SNTG1: variants seen among roughly 807,000 people sequenced by gnomAD.
SNTG1 encodes the protein syntrophin gamma 1.
Under a neutral mutation model 74.7 loss-of-function variants are expected in SNTG1, and 39 were observed. That is an observed-to-expected ratio of 0.52 (90% CI 0.40 to 0.68). The LOEUF is 0.68. Among genes scored for constraint, SNTG1 ranks in the 30% least tolerant of loss-of-function variants. The pLI is 0.00. For synonymous variants in SNTG1, 254 were observed against 217.1 expected (o/e 1.17, Z -1.49); for missense variants, 685 against 609.5 (o/e 1.12, Z -1.30).
chr8:49,943,556 G>A (rs1808889112), intron 1 of SNTG1, among the ~76,000 whole-genome samples: 1 of 152,212 alleles, frequency 6.6e-6, no homozygotes, highest in Non-Finnish European at 1.5e-5. Context: ...TTTGTCTGAA[G>A]GCTTGAGAAA....
intron 13 of SNTG1, among the ~76,000 whole-genome samples, chr8:50,648,422 T>A (rs2095124109): frequency 6.6e-6 from 1 of 151,618 alleles, no homozygotes; most frequent in South Asian, 2.1e-4. Flanking sequence ...AACAGAGGAG[T>A]CATTAATAGA....
intron 9 of SNTG1, among the ~76,000 whole-genome samples, chr8:50,503,382 C>A (rs1335410589): frequency 6.6e-6 from 1 of 152,126 alleles, no homozygotes; most frequent in Non-Finnish European, 1.5e-5. Flanking sequence ...TTATCTAATG[C>A]TTTTGCTGAA....
chr8:49,979,973 G>C lies in SNTG1; in HGVS notation c.-103+67742G>C, dbSNP rs191476973. ...TACCCATATAGACACCACAGTATTC[G>C]CTCAATGTATTTGACAGACACACTC... On this transcript the variant is annotated intron_variant, in intron 1 of 18. Transcript: ENST00000642720. Among the ~76,000 whole-genome samples the C allele has an allele frequency of 1.1e-3, 162 of 152,276 alleles. 2 individuals carry two copies. The highest frequency in any genetic ancestry group is 1.7e-3 in the Non-Finnish European group (119 of 68,032).
At chr8:49,917,605 A>G (rs1389863411) in intron 1 of SNTG1, among the ~76,000 whole-genome samples, 1 of 152,174 alleles carries the variant, frequency 6.6e-6, no homozygotes, top group Non-Finnish European at 1.5e-5. Context: ...GTCTATGCAC[A>G]TGGCTCTGAT....
intron 12 of SNTG1, among the ~76,000 whole-genome samples, chr8:50,554,551 A>T (rs2130622327): frequency 6.6e-6 from 1 of 151,822 alleles, no homozygotes; most frequent in South Asian, 2.1e-4. Flanking sequence ...TCCCTCAACA[A>T]GGAGGCTAAA....
At chr8:50,167,849 AT>A (rs1337466539) in intron 1 of SNTG1, among the ~76,000 whole-genome samples, 2 of 151,626 alleles carry the variant, frequency 1.3e-5, no homozygotes, top group Non-Finnish European at 2.9e-5. Flanking sequence ...AAAAGAAAGA[AT>A]AAAGTAAATT....
At chr8:50,615,688 GA>G (rs1440989203) in intron 13 of SNTG1, among the ~76,000 whole-genome samples, 4 of 152,160 alleles carry the variant, frequency 2.6e-5, no homozygotes, top group Non-Finnish European at 5.9e-5. Context: ...TAACTAGAGA[GA>G]ACTTAATGTA....
rs182803939 is a variant in SNTG1 at position 50,559,156 on chromosome 8, A to G, written c.810+5977A>G. On this transcript the variant is annotated intron_variant, in intron 12 of 18. Coordinates refer to ENST00000642720, the MANE Select transcript of SNTG1 (RefSeq NM_018967.5). ...CTTGGAGATGTCAGAAGGAGTAAAT[A>G]GTACAGGAGAAAATGAATACATAGA... Among the ~76,000 whole-genome samples, 644 of 152,346 alleles carry G rather than the reference A, an allele frequency of 4.2e-3. 9 individuals are homozygous for G. The highest frequency in any genetic ancestry group is 0.014 in the African/African-American group (584 of 41,586).
chr8:50,107,808 C>T (rs953451337), intron 1 of SNTG1, among the ~76,000 whole-genome samples: 4 of 152,088 alleles, frequency 2.6e-5, no homozygotes, highest in Non-Finnish European at 5.9e-5. Context: ...ACCTAAGCCG[C>T]CCAAAGTGCT....
chr8:50,663,645 C>A (rs982860558), intron 15 of SNTG1, among the ~76,000 whole-genome samples: 1 of 152,192 alleles, frequency 6.6e-6, no homozygotes, highest in Non-Finnish European at 1.5e-5. Context: ...AGACAACCTG[C>A]ATTTTCAATT....
chr8:50,709,176 C>A, intron 17 of SNTG1, 198 bp downstream of exon 17: 1 of 554,952 alleles, frequency 1.8e-6, no homozygotes, highest in Non-Finnish European at 3.2e-6. Flanking sequence ...TGTAGTACCA[C>A]AAAACTATAA....
chr8:50,691,026 C>A (rs1156757204), intron 15 of SNTG1, among the ~76,000 whole-genome samples: 1 of 152,108 alleles, frequency 6.6e-6, no homozygotes, highest in Non-Finnish European at 1.5e-5. Context: ...CTCTTTTGAT[C>A]TTTGTTGGTT....
At chr8:49,944,891 G>T (rs1013440856) in intron 1 of SNTG1, among the ~76,000 whole-genome samples, 1 of 151,750 alleles carries the variant, frequency 6.6e-6, no homozygotes, top group Non-Finnish European at 1.5e-5. Context: ...GGGCTCAAGC[G>T]ATTCTCTTGC....
At chr8:50,276,393 AT>A (rs2088109244) in intron 2 of SNTG1, among the ~76,000 whole-genome samples, 1 of 147,120 alleles carries the variant, frequency 6.8e-6, no homozygotes, top group African/African-American at 2.5e-5. Flanking sequence ...ATATATATAT[AT>A]ATATATATAT....
At chr8:50,262,576 T>A (rs796354195) in intron 2 of SNTG1, among the ~76,000 whole-genome samples, 4 of 151,974 alleles carry the variant, frequency 2.6e-5, no homozygotes, top group African/African-American at 9.6e-5. Flanking sequence ...GCCCAGCTAA[T>A]TTTTTTATAT....
intron 1 of SNTG1, among the ~76,000 whole-genome samples, chr8:49,993,253 G>T (rs1167615795): frequency 6.6e-6 from 1 of 151,938 alleles, no homozygotes; most frequent in Non-Finnish European, 1.5e-5. Flanking sequence ...CGGGAGGGGG[G>T]CACTTTACAA....
At chr8:50,441,674 T>C (rs1477054184) in intron 5 of SNTG1, among the ~76,000 whole-genome samples, 1 of 152,214 alleles carries the variant, frequency 6.6e-6, no homozygotes, top group Non-Finnish European at 1.5e-5. Flanking sequence ...CCTTAATTTT[T>C]CTCTTTAAAT....
chr8:50,036,211 TAAAC>T (rs1177521104), intron 1 of SNTG1, among the ~76,000 whole-genome samples: 1 of 152,148 alleles, frequency 6.6e-6, no homozygotes, highest in African/African-American at 2.4e-5. Context: ...TTATCTCTCT[TAAAC>T]ACACACAAAA....
At chr8:50,168,714 GATA>G (rs2131636696) in intron 1 of SNTG1, among the ~76,000 whole-genome samples, 1 of 152,228 alleles carries the variant, frequency 6.6e-6, no homozygotes, top group Admixed American at 6.5e-5. Context: ...TCCTTTAAGA[GATA>G]ATACGAGTTG....
Sources: gnomAD v4.1 joint callset for allele counts (sites outside exome capture counted in the v4.1 genomes callset) on GRCh38, gnomAD v4.1.1 for gene constraint, MANE v1.5 for transcripts, NCBI Gene and HGNC (gene_info 2026-07-23, HGNC 2026-07-21) for gene names.